The following DCT variants were observed in gnomAD, a reference collection of about 807,000 sequenced individuals.
DCT encodes dopachrome tautomerase, also known as L-dopachrome tautomerase.
Under a neutral mutation model 53.0 loss-of-function variants are expected in DCT, and 47 were observed. The ratio of observed to expected loss-of-function variants is 0.89; its 90% CI spans 0.70 to 1.13. The LOEUF (loss-of-function observed/expected upper bound fraction) is 1.13, where lower values mean the gene tolerates loss of function less well. Ranked by LOEUF, DCT falls within the 50% of genes most tolerant of loss-of-function variation. The pLI is 0.00. For synonymous variants in DCT, 244 were observed against 237.0 expected (o/e 1.03, Z -0.27); for missense variants, 669 against 637.4 (o/e 1.05, Z -0.53).
At chr13:94,512,998 A>G in the DCT span, among the ~76,000 whole-genome samples, 1 of 152,356 alleles carries the variant, frequency 6.6e-6, no homozygotes, top group Non-Finnish European at 1.5e-5. Flanking sequence ...AAATAGCATG[A>G]GCAAAAGTTT....
intron 6 of DCT, among the ~76,000 whole-genome samples, chr13:94,457,670 A>C (rs917159550): frequency 2.0e-5 from 3 of 152,242 alleles, no homozygotes; most frequent in South Asian, 2.1e-4. Flanking sequence ...CAAAATAAAA[A>C]AGGAGAAGAG....
chr13:94,506,239 G>T, the DCT span, among the ~76,000 whole-genome samples: 1 of 152,100 alleles, frequency 6.6e-6, no homozygotes, highest in Non-Finnish European at 1.5e-5. Context: ...TGGTCATCTA[G>T]CCCCAGCTCT....
rs150421961 is a variant in DCT at position 94,442,461 on chromosome 13, T to C, written c.1381+975A>G. On this transcript the variant is annotated intron_variant, in intron 7 of 7. Coordinates refer to ENST00000377028, the MANE Select transcript of DCT (RefSeq NM_001922.5). ...GGCTGAGACTACAGGCATGCACCAC[T>C]ATGCCCAGCTAATATTATTTGAATT... 1.3e-3 allele frequency among the ~76,000 whole-genome samples: 198 copies of C among 152,224 alleles called. 3 individuals carry two copies. Among genetic ancestry groups the C allele is most frequent in the African/African-American group, 4.5e-3 (187 of 41,546 alleles).
the DCT span, among the ~76,000 whole-genome samples, chr13:94,500,846 G>A: frequency 6.6e-6 from 1 of 152,088 alleles, no homozygotes; most frequent in Admixed American, 6.6e-5. Context: ...AAATCATTCA[G>A]ATAGGCAAAC....
At chr13:94,440,719 C>T (rs750295919) in intron 7 of DCT, among the ~76,000 whole-genome samples, 24 of 119,472 alleles carry the variant, frequency 2.0e-4, no homozygotes, top group Middle Eastern at 8.9e-3. Context: ...CTCGCTCTGT[C>T]GCCCAGGCTG....
chr13:94,529,419 A>G, the DCT span, among the ~76,000 whole-genome samples: 3 of 152,248 alleles, frequency 2.0e-5, no homozygotes, highest in Non-Finnish European at 4.4e-5. Flanking sequence ...ATGTAAAAGA[A>G]CAGAAATCAC....
upstream of DCT, among the ~76,000 whole-genome samples, chr13:94,481,121 TC>T (rs1305927160): frequency 1.3e-5 from 2 of 152,194 alleles, no homozygotes; most frequent in African/African-American, 4.8e-5. Context: ...CATGGCCTTC[TC>T]CCCATCTGTC....
the DCT span, among the ~76,000 whole-genome samples, chr13:94,488,584 C>T: frequency 9.2e-5 from 14 of 151,902 alleles, no homozygotes; most frequent in Non-Finnish European, 1.8e-4. Context: ...CGTGGTGGTG[C>T]ATGCCTGTAG....
chr13:94,478,477 C>CA (rs778301202), intron 1 of DCT, among the ~76,000 whole-genome samples: 4 of 151,250 alleles, frequency 2.6e-5, no homozygotes, highest in Non-Finnish European at 4.4e-5. Context: ...ACTCCATCTC[C>CA]AAAAAAAAGA....
the DCT span, among the ~76,000 whole-genome samples, chr13:94,543,286 C>T: frequency 5.5e-3 from 830 of 152,238 alleles, 13 homozygotes; most frequent in African/African-American, 0.018. Context: ...TCTACCCCTG[C>T]GCACACCTCA....
chr13:94,462,953 C>A (rs1883912569), intron 4 of DCT, among the ~76,000 whole-genome samples: 1 of 152,080 alleles, frequency 6.6e-6, no homozygotes, highest in South Asian at 2.1e-4. Context: ...GATGAAAGTA[C>A]ACAAAGGGGA....
At chr13:94,524,432 C>T in the DCT span, among the ~76,000 whole-genome samples, 12 of 152,222 alleles carry the variant, frequency 7.9e-5, no homozygotes, top group Admixed American at 7.9e-4. Context: ...TTGCCCATAG[C>T]CGTCCTGGGC....
the DCT span, among the ~76,000 whole-genome samples, chr13:94,496,152 G>C: frequency 1.3e-5 from 2 of 152,118 alleles, no homozygotes; most frequent in African/African-American, 4.8e-5. Flanking sequence ...CAGAGATTAA[G>C]AGCTGTAGTC....
intron 6 of DCT, among the ~76,000 whole-genome samples, chr13:94,456,991 G>T (rs933058132): frequency 6.6e-6 from 1 of 152,196 alleles, no homozygotes; most frequent in African/African-American, 2.4e-5. Flanking sequence ...TTAGCCAGGC[G>T]CAGTGGCACG....
chr13:94,448,114 G>T (rs1017330148), intron 6 of DCT, among the ~76,000 whole-genome samples: 17 of 152,216 alleles, frequency 1.1e-4, no homozygotes, highest in Admixed American at 1.0e-3. Flanking sequence ...AGGTGTGATA[G>T]TGTGTGCCTG....
chr13:94,441,408 T>C (rs1188903998), intron 7 of DCT, among the ~76,000 whole-genome samples: 2 of 152,220 alleles, frequency 1.3e-5, no homozygotes, highest in African/African-American at 2.4e-5. Context: ...AAATAGGCAG[T>C]GCAGTGGCAT....
the DCT span, among the ~76,000 whole-genome samples, chr13:94,543,694 G>A: frequency 1.3e-5 from 2 of 152,046 alleles, no homozygotes; most frequent in Admixed American, 1.3e-4. Flanking sequence ...TCCTAATCAT[G>A]TTGTTATTCT....
chr13:94,501,366 G>T, the DCT span, among the ~76,000 whole-genome samples: 3 of 152,100 alleles, frequency 2.0e-5, no homozygotes, highest in Non-Finnish European at 2.9e-5. Context: ...AAAAGTGGAT[G>T]GTGTTCATAA....
At chr13:94,489,810 A>T in the DCT span, among the ~76,000 whole-genome samples, 3 of 152,144 alleles carry the variant, frequency 2.0e-5, no homozygotes, top group African/African-American at 7.2e-5. Flanking sequence ...GCATCTAATT[A>T]TAAGTACTTC....
Sources: allele counts gnomAD v4.1 joint callset (sites outside exome capture counted in the v4.1 genomes callset), GRCh38; gene constraint gnomAD v4.1.1; transcripts MANE v1.5; gene names NCBI Gene and HGNC (gene_info 2026-07-23, HGNC 2026-07-21).